The following PDK1 variants were observed in gnomAD, a reference collection of about 807,000 sequenced individuals.
PDK1 encodes the protein pyruvate dehydrogenase kinase 1.
PDK1 carries 39 observed loss-of-function variants against 54.2 expected under a neutral mutation model. The ratio of observed to expected loss-of-function variants is 0.72; its 90% confidence interval spans 0.56 to 0.94. PDK1 has a LOEUF of 0.94. PDK1 is among the 40% of genes least tolerant of loss of function. PDK1 has a pLI of 0.00. For synonymous variants in PDK1, 221 were observed against 207.1 expected (o/e 1.07, Z -0.58); for missense variants, 552 against 566.0 (o/e 0.98, Z 0.25).
the PDK1 span, among the ~76,000 whole-genome samples, chr2:172,614,302 C>T: frequency 1.3e-5 from 2 of 152,134 alleles, no homozygotes; most frequent in African/African-American, 4.8e-5. Flanking sequence ...GGGGACCAGG[C>T]TGCCAGTGGC....
At chr2:172,717,498 T>C in the PDK1 span, among the ~76,000 whole-genome samples, 87 of 152,352 alleles carry the variant, frequency 5.7e-4, 1 homozygote, top group African/African-American at 2.0e-3. Flanking sequence ...TTAAACCTGT[T>C]ACTTAAACTA....
chr2:172,637,223 G>C, the PDK1 span, among the ~76,000 whole-genome samples: 3 of 152,132 alleles, frequency 2.0e-5, no homozygotes, highest in Admixed American at 6.5e-5. Flanking sequence ...ACTTTGACCT[G>C]TTCTGGAGCA....
rs1464482725 is a variant in PDK1 at position 172,601,486 on chromosome 2, C to T, written c.*5517C>T. On this transcript the variant is annotated 3_prime_UTR_variant, in exon 11 of 11. Transcript: ENST00000282077. ...CTCCCATGCTGTTCTCGTGATAGTT[C>T]CCATGAGATCTGATGGTTTTATAAG... 6.6e-6 allele frequency: 1 copy of T among 152,122 alleles called. No homozygotes were observed. The highest frequency in any genetic ancestry group is 2.4e-5 in the African/African-American group (1 of 41,414). The allele number at this position is 152,122 out of a possible 1,614,324, so 9.4% of individuals were successfully genotyped here.
the PDK1 span, among the ~76,000 whole-genome samples, chr2:172,635,945 G>C: frequency 3.9e-5 from 6 of 152,332 alleles, no homozygotes; most frequent in South Asian, 1.2e-3. Context: ...TGGAAACCCA[G>C]TAAAAGCTGT....
rs575640450 is a variant in PDK1 at position 172,597,264 on chromosome 2, A to G, written c.*1295A>G. 1 of 152,052 alleles carries G rather than the reference A, an allele frequency of 6.6e-6. No homozygotes were observed. The highest frequency in any genetic ancestry group is 1.9e-4 in the East Asian group (1 of 5,172). 9.4% of individuals were successfully genotyped at this position (152,052 alleles called of 1,614,324 possible). On this transcript the variant is annotated 3_prime_UTR_variant, in exon 11 of 11. Coordinates refer to ENST00000282077, the MANE Select transcript of PDK1 (RefSeq NM_002610.5). ...TGGAACTACAGTTGTGCACTACCAC[A>G]CCCAGCTAATTTTTTGATTTCTTGT...
intron 8 of PDK1, among the ~76,000 whole-genome samples, chr2:172,574,927 T>A (rs931668356): frequency 1.3e-5 from 2 of 152,232 alleles, no homozygotes; most frequent in African/African-American, 4.8e-5. Flanking sequence ...ACAGGAGACA[T>A]CCTTGTCTTT....
At chr2:172,692,092 G>A in the PDK1 span, among the ~76,000 whole-genome samples, 15 of 152,302 alleles carry the variant, frequency 9.8e-5, no homozygotes, top group South Asian at 2.9e-3. Context: ...CATGCTTGAT[G>A]GCAACCAATA....
chr2:172,580,060 A>G (rs1395503725), intron 8 of PDK1, among the ~76,000 whole-genome samples: 2 of 146,856 alleles, frequency 1.4e-5, no homozygotes, highest in Admixed American at 6.8e-5. Flanking sequence ...GTTTTATTTT[A>G]TTGCTCTAAG....
rs953683805 is a variant in PDK1 at position 172,606,341 on chromosome 2, A to G, written c.*10372A>G. ...TAATCAAACTCTTGGCATCCACAGA[A>G]GGCTAGGAGGATGTAATGAATACTT... On this transcript the variant is annotated 3_prime_UTR_variant, in exon 11 of 11. Coordinates refer to ENST00000282077, the MANE Select transcript of PDK1 (RefSeq NM_002610.5). The G allele has an allele frequency of 7.9e-5, 12 of 152,248 alleles. No individual in the cohort carries two copies. Among genetic ancestry groups the G allele is most frequent in the African/African-American group, 2.7e-4 (11 of 41,464 alleles). The allele number at this position is 152,248 out of a possible 1,614,324, so 9.4% of individuals were successfully genotyped here. A position where few individuals can be genotyped will look rare whatever the true frequency, so the allele number is the denominator to read the frequency against.
At chr2:172,689,067 G>A in the PDK1 span, among the ~76,000 whole-genome samples, 1 of 152,170 alleles carries the variant, frequency 6.6e-6, no homozygotes, top group African/African-American at 2.4e-5. Flanking sequence ...TGCCACTGCT[G>A]GCTAGAGTGG....
At chr2:172,574,109 A>C (rs1276981302) in intron 8 of PDK1, among the ~76,000 whole-genome samples, 1 of 152,162 alleles carries the variant, frequency 6.6e-6, no homozygotes, top group African/African-American at 2.4e-5. Flanking sequence ...AGTTTTGTAC[A>C]TGGTTTGAGG....
the PDK1 span, among the ~76,000 whole-genome samples, chr2:172,689,030 A>G: frequency 6.6e-6 from 1 of 152,184 alleles, no homozygotes; most frequent in Non-Finnish European, 1.5e-5. Flanking sequence ...CAAAGCTTCC[A>G]CAGCATGGAA....
At chr2:172,556,694 C>G (rs1688352625) in intron 1 of PDK1, 4 of 221,882 alleles carry the variant, frequency 1.8e-5, no homozygotes, top group Non-Finnish European at 3.5e-5. Flanking sequence ...TGGGCACCCC[C>G]GAGAATCGCG....
chr2:172,590,714 C>A (rs1295804773), intron 9 of PDK1, among the ~76,000 whole-genome samples: 1 of 152,054 alleles, frequency 6.6e-6, no homozygotes, highest in Non-Finnish European at 1.5e-5. Context: ...GTTGCCACTG[C>A]TGGCTGGGGT....
At chr2:172,706,182 C>T in the PDK1 span, among the ~76,000 whole-genome samples, 1 of 152,164 alleles carries the variant, frequency 6.6e-6, no homozygotes, top group African/African-American at 2.4e-5. Context: ...GTGAATCTGT[C>T]CTCCATTTCT....
chr2:172,586,887 C>T (rs191348961), intron 9 of PDK1, among the ~76,000 whole-genome samples: 2 of 152,242 alleles, frequency 1.3e-5, no homozygotes, highest in Admixed American at 1.3e-4. Context: ...AATCTTAGTT[C>T]CACCTATTTT....
chr2:172,666,070 C>T, the PDK1 span, among the ~76,000 whole-genome samples: 10 of 152,068 alleles, frequency 6.6e-5, no homozygotes, highest in Non-Finnish European at 1.5e-5. Context: ...GAAATATAAA[C>T]TTCTTTATTA....
chr2:172,564,191 C>G (rs770459662), intron 3 of PDK1: 57 of 476,336 alleles, frequency 1.2e-4, no homozygotes, highest in Non-Finnish European at 1.8e-4. Context: ...TTAGCCAGTG[C>G]TCAGATGACC....
At chr2:172,569,462 G>A (rs1689132622) in intron 7 of PDK1, among the ~76,000 whole-genome samples, 1 of 152,160 alleles carries the variant, frequency 6.6e-6, no homozygotes, top group South Asian at 2.1e-4. Context: ...TGGGTGAGGA[G>A]TGAGGGGCAC....
Sources: allele counts gnomAD v4.1 joint callset (sites outside exome capture counted in the v4.1 genomes callset), GRCh38; gene constraint gnomAD v4.1.1; transcripts MANE v1.5; gene names NCBI Gene and HGNC (gene_info 2026-07-23, HGNC 2026-07-21).